The following ACOXL variants were observed in gnomAD, a reference collection of about 807,000 sequenced individuals.
ACOXL encodes the protein acyl-coenzyme A oxidase-like protein.
Under a neutral mutation model 71.9 loss-of-function variants are expected in ACOXL, and 70 were observed. The observed-to-expected ratio is 0.97, with a 90% CI of 0.80 to 1.19. ACOXL has a LOEUF of 1.19. Among genes scored for constraint, ACOXL ranks in the 50% most tolerant of loss-of-function variants. The pLI, the probability that ACOXL is intolerant of heterozygous loss-of-function variation, is 0.00. For missense variants in ACOXL, 703 were observed against 736.3 expected (o/e 0.95, Z 0.52); for synonymous variants, 253 against 281.6 (o/e 0.90, Z 1.02).
At chr2:110,881,252 C>T (rs1486882941) in intron 10 of ACOXL, among the ~76,000 whole-genome samples, 1 of 151,708 alleles carries the variant, frequency 6.6e-6, no homozygotes, top group Non-Finnish European at 1.5e-5. Context: ...TAGTGAATTC[C>T]ACAGATCTAA....
intron 1 of ACOXL, among the ~76,000 whole-genome samples, chr2:110,765,647 T>C (rs1296613778): frequency 6.6e-6 from 1 of 152,134 alleles, no homozygotes; most frequent in Non-Finnish European, 1.5e-5. Context: ...CTGGTGAGGG[T>C]CTTGCTTTCT....
intron 14 of ACOXL, among the ~76,000 whole-genome samples, chr2:111,018,360 A>G (rs1225220910): frequency 6.6e-6 from 1 of 152,222 alleles, no homozygotes; most frequent in Non-Finnish European, 1.5e-5. Context: ...TATCATCCCC[A>G]GGCAGAGAGT....
At chr2:111,084,471 G>T (rs528343181) in intron 16 of ACOXL, among the ~76,000 whole-genome samples, 10 of 152,228 alleles carry the variant, frequency 6.6e-5, no homozygotes, top group Admixed American at 6.5e-4. Flanking sequence ...TGAAGAGATG[G>T]ACTCTTGGTT....
chr2:111,005,940 T>C (rs534610635), intron 14 of ACOXL, among the ~76,000 whole-genome samples: 35 of 152,202 alleles, frequency 2.3e-4, no homozygotes, highest in Non-Finnish European at 4.1e-4. Context: ...CAGAGAGTGA[T>C]AGCAGCCATT....
At chr2:111,095,416 G>T (rs1170569224) in intron 17 of ACOXL, among the ~76,000 whole-genome samples, 2 of 127,870 alleles carry the variant, frequency 1.6e-5, no homozygotes, top group African/African-American at 5.8e-5. Flanking sequence ...TTTTGAGTTG[G>T]AGTCTTGCTC....
intron 14 of ACOXL, among the ~76,000 whole-genome samples, chr2:111,006,385 G>A (rs994365034): frequency 6.6e-6 from 1 of 152,204 alleles, no homozygotes; most frequent in Admixed American, 6.5e-5. Flanking sequence ...TGATGGTTCA[G>A]GAAGGGATAG....
At chr2:111,054,144 C>T (rs931255790) in intron 16 of ACOXL, among the ~76,000 whole-genome samples, 2 of 152,180 alleles carry the variant, frequency 1.3e-5, no homozygotes, top group Non-Finnish European at 2.9e-5. Context: ...CAAGGCAGGC[C>T]TGTCTATAGG....
chr2:110,809,243 G>A (rs190047221), intron 9 of ACOXL, among the ~76,000 whole-genome samples: 119 of 152,336 alleles, frequency 7.8e-4, no homozygotes, highest in Non-Finnish European at 1.2e-3. Context: ...GTACACACTC[G>A]TGCATTGTGC....
intron 5 of ACOXL, chr2:110,796,001 T>C (rs1335738036): frequency 6.6e-6 from 1 of 152,136 alleles, no homozygotes; most frequent in Non-Finnish European, 1.5e-5. Context: ...TGGTGAACAC[T>C]GTCTCCCGTG....
At chr2:110,960,465 C>T (rs1377557385) in intron 12 of ACOXL, among the ~76,000 whole-genome samples, 1 of 152,134 alleles carries the variant, frequency 6.6e-6, no homozygotes, top group African/African-American at 2.4e-5. Flanking sequence ...CCTCCTCTCA[C>T]AACATTCCTT....
chr2:110,915,417 TATA>T (rs1258584299), intron 11 of ACOXL, among the ~76,000 whole-genome samples: 42 of 132,638 alleles, frequency 3.2e-4, no homozygotes, highest in African/African-American at 1.2e-3. Flanking sequence ...CATATATATA[TATA>T]TATATATATT....
intron 9 of ACOXL, among the ~76,000 whole-genome samples, chr2:110,810,966 C>G (rs1476761181): frequency 6.6e-6 from 1 of 152,150 alleles, no homozygotes; most frequent in East Asian, 1.9e-4. Context: ...GAAAAGCCCC[C>G]TTATAAAACC....
Position 110,799,099 on chromosome 2 carries a change from G to C in ACOXL, c.546G>C (p.Glu182Asp). 6.2e-7 allele frequency: 1 copy of C among 1,613,702 alleles called. No homozygotes were observed. Among genetic ancestry groups the C allele is most frequent in the South Asian group, 1.1e-5 (1 of 91,052 alleles). ...GVTAIDMMYKEGLHGVDNGIL... is the reference protein window; with the variant it reads ...GVTAIDMMYKDGLHGVDNGIL... ...CAGCTATTGATATGATGTACAAGGA[G>C]GGTGAGTCCCCAGGTGCCCTTTTCC... Residue 182 changes from glutamate to aspartate, a missense_variant and splice_region_variant, in exon 7 of 18, where the codon GAG becomes GAC. By Grantham distance (45) the Glu-to-Asp change is conservative. Transcript: ENST00000439055.
intron 10 of ACOXL, among the ~76,000 whole-genome samples, chr2:110,899,998 G>C (rs78806492): frequency 0.013 from 1,954 of 151,524 alleles, 21 homozygotes; most frequent in Non-Finnish European, 0.02. Context: ...GTCTCTACAT[G>C]GAATTTGGGA....
chr2:111,105,395 A>G (rs1283682556), intron 17 of ACOXL, among the ~76,000 whole-genome samples: 1 of 152,022 alleles, frequency 6.6e-6, no homozygotes, highest in Admixed American at 6.5e-5. Flanking sequence ...TAGGTATTGC[A>G]TTAAACCTGT....
intron 12 of ACOXL, among the ~76,000 whole-genome samples, chr2:110,966,936 T>A (rs1436715892): frequency 6.6e-6 from 1 of 152,238 alleles, no homozygotes; most frequent in Non-Finnish European, 1.5e-5. Flanking sequence ...CAGGACCTTT[T>A]GCTACCCTTC....
intron 10 of ACOXL, among the ~76,000 whole-genome samples, chr2:110,891,032 C>T (rs1207457007): frequency 6.6e-6 from 1 of 151,026 alleles, no homozygotes; most frequent in Non-Finnish European, 1.5e-5. Context: ...TTTTACTTAG[C>T]AGCTATTATA....
At chr2:111,059,779 AAGAG>A (rs1553467647) in intron 16 of ACOXL, among the ~76,000 whole-genome samples, 1 of 151,756 alleles carries the variant, frequency 6.6e-6, no homozygotes, top group Admixed American at 6.6e-5. Flanking sequence ...AAAAAAAAAA[AAGAG>A]AGAAGAAGGG....
At chr2:110,855,352 A>C (rs967955160) in intron 10 of ACOXL, among the ~76,000 whole-genome samples, 3 of 152,214 alleles carry the variant, frequency 2.0e-5, no homozygotes, top group African/African-American at 7.2e-5. Context: ...AGATAAGGGC[A>C]CTAATGCTCA....
Sources: gnomAD v4.1 joint callset for allele counts (sites outside exome capture counted in the v4.1 genomes callset) on GRCh38, gnomAD v4.1.1 for gene constraint, MANE v1.5 for transcripts, NCBI Gene and HGNC (gene_info 2026-07-23, HGNC 2026-07-21) for gene names.